The following SLC16A7 variants were observed in gnomAD, a reference collection of about 807,000 sequenced individuals.
SLC16A7 encodes monocarboxylate transporter 2.
Under a neutral mutation model 34.9 loss-of-function variants are expected in SLC16A7, and 33 were observed. The observed-to-expected ratio is 0.94, with a 90% CI of 0.72 to 1.26. The LOEUF is 1.26. Among genes scored for constraint, SLC16A7 ranks in the 50% most tolerant of loss-of-function variants. The pLI is 0.00. For synonymous variants in SLC16A7, 201 were observed against 206.6 expected (o/e 0.97, Z 0.23); for missense variants, 573 against 578.1 (o/e 0.99, Z 0.09).
intron 2 of SLC16A7, among the ~76,000 whole-genome samples, chr12:59,702,365 A>T (rs1872989432): frequency 6.6e-6 from 1 of 152,038 alleles, no homozygotes. Context: ...GAATAGATAG[A>T]TAGAAGACAG....
chr12:59,630,945 A>G (rs1880155514), intron 1 of SLC16A7, among the ~76,000 whole-genome samples: 1 of 151,970 alleles, frequency 6.6e-6, no homozygotes, highest in South Asian at 2.1e-4. Context: ...AATTTGCTGC[A>G]TATGTATTGT....
rs1403182156 is a variant in SLC16A7 at position 59,780,720 on chromosome 12, A to T, written c.*1041A>T. 1 of 152,080 alleles carries T rather than the reference A, an allele frequency of 6.6e-6. No homozygotes were observed. Among genetic ancestry groups the T allele is most frequent in the Non-Finnish European group, 1.5e-5 (1 of 67,998 alleles). The allele number at this position is 152,080 out of a possible 1,614,324, so 9.4% of individuals were successfully genotyped here. A position where few individuals can be genotyped will look rare whatever the true frequency, so the allele number is the denominator to read the frequency against. ...AGGATTGTAAGTAGACCGAATTCTA[A>T]TTTTTCCCAACACATAGTGGTAATT... is the stretch of plus-strand genomic sequence containing the variant. On this transcript the variant is annotated 3_prime_UTR_variant, in exon 6 of 6. Transcript: ENST00000547379.
At chr12:59,667,034 G>A (rs1327548426) in intron 2 of SLC16A7, among the ~76,000 whole-genome samples, 1 of 152,168 alleles carries the variant, frequency 6.6e-6, no homozygotes, top group Admixed American at 6.5e-5. Context: ...GAAGGTGAAA[G>A]GCACTTCTTA....
At chr12:59,676,625 T>G (rs955056691) in intron 2 of SLC16A7, among the ~76,000 whole-genome samples, 2 of 152,124 alleles carry the variant, frequency 1.3e-5, no homozygotes, top group African/African-American at 4.8e-5. Flanking sequence ...TTTTCTTTAC[T>G]CCTCAATTAC....
At chr12:59,751,114 G>C (rs148239820) in intron 3 of SLC16A7, among the ~76,000 whole-genome samples, 2 of 152,142 alleles carry the variant, frequency 1.3e-5, no homozygotes, top group Non-Finnish European at 2.9e-5. Flanking sequence ...TGGATCGCTG[G>C]AGCCAAGATT....
chr12:59,603,302 T>C (rs1201315545), intron 1 of SLC16A7, among the ~76,000 whole-genome samples: 3 of 152,140 alleles, frequency 2.0e-5, no homozygotes, highest in African/African-American at 7.2e-5. Context: ...TCCCATCACC[T>C]AGGTCCAAGG....
intron 1 of SLC16A7, among the ~76,000 whole-genome samples, chr12:59,619,412 T>G (rs1879601080): frequency 6.6e-6 from 1 of 152,078 alleles, no homozygotes; most frequent in Non-Finnish European, 1.5e-5. Context: ...AGTGACCTCA[T>G]CACCTTAGAA....
At chr12:59,628,298 C>T (rs1880016002) in intron 1 of SLC16A7, among the ~76,000 whole-genome samples, 1 of 151,854 alleles carries the variant, frequency 6.6e-6, no homozygotes, top group African/African-American at 2.4e-5. Flanking sequence ...CTTACACTAT[C>T]ATATATTTTT....
At chr12:59,633,127 C>T (rs1210736075) in intron 1 of SLC16A7, among the ~76,000 whole-genome samples, 2 of 151,952 alleles carry the variant, frequency 1.3e-5, no homozygotes, top group East Asian at 3.9e-4. Flanking sequence ...CTTCAAAAAT[C>T]TGCCATGTGC....
At chr12:59,729,519 G>A (rs759159339) in intron 3 of SLC16A7, among the ~76,000 whole-genome samples, 3 of 151,954 alleles carry the variant, frequency 2.0e-5, no homozygotes, top group African/African-American at 7.3e-5. Flanking sequence ...TAATTTTATA[G>A]CTTTTAATCC....
chr12:59,691,823 C>T (rs1382668736), intron 2 of SLC16A7, among the ~76,000 whole-genome samples: 1 of 151,904 alleles, frequency 6.6e-6, no homozygotes, highest in Non-Finnish European at 1.5e-5. Context: ...CAGTTTGCCA[C>T]AGTGATAAAT....
intron 3 of SLC16A7, among the ~76,000 whole-genome samples, chr12:59,715,040 T>A (rs1874736309): frequency 6.6e-6 from 1 of 152,206 alleles, no homozygotes; most frequent in African/African-American, 2.4e-5. Context: ...TCGTAACAGG[T>A]ACTAGGATCA....
At chr12:59,652,376 A>G (rs1226154208) in intron 1 of SLC16A7, among the ~76,000 whole-genome samples, 2 of 151,908 alleles carry the variant, frequency 1.3e-5, no homozygotes, top group Non-Finnish European at 2.9e-5. Flanking sequence ...TTGTTTCATG[A>G]GTTGGAAGAG....
At chr12:59,745,351 T>G (rs1878777911) in intron 3 of SLC16A7, among the ~76,000 whole-genome samples, 1 of 152,240 alleles carries the variant, frequency 6.6e-6, no homozygotes, top group African/African-American at 2.4e-5. Flanking sequence ...CATAGAGTCC[T>G]ATTGGGTTGG....
chr12:59,666,934 CT>C (rs1356031855), intron 2 of SLC16A7, among the ~76,000 whole-genome samples: 3 of 152,082 alleles, frequency 2.0e-5, no homozygotes, highest in African/African-American at 7.2e-5. Context: ...TTTCCCACTG[CT>C]GATAAAGACA....
At chr12:59,771,705 G>A (rs560348175) in intron 4 of SLC16A7, among the ~76,000 whole-genome samples, 5 of 152,112 alleles carry the variant, frequency 3.3e-5, no homozygotes, top group South Asian at 2.1e-4. Context: ...AAATACCTTC[G>A]TTATTATAAA....
At chr12:59,735,502 C>T (rs1048140922) in intron 3 of SLC16A7, among the ~76,000 whole-genome samples, 8 of 152,100 alleles carry the variant, frequency 5.3e-5, no homozygotes, top group South Asian at 4.2e-4. Flanking sequence ...CAGTTCATGG[C>T]GAATAAGAGT....
intron 2 of SLC16A7, among the ~76,000 whole-genome samples, chr12:59,673,364 G>A (rs1870043786): frequency 6.6e-6 from 1 of 152,006 alleles, no homozygotes; most frequent in Admixed American, 6.6e-5. Context: ...AAATATACTA[G>A]TCAGAATGTG....
intron 1 of SLC16A7, among the ~76,000 whole-genome samples, chr12:59,626,334 A>G (rs931767554): frequency 1.3e-5 from 2 of 151,714 alleles, no homozygotes; most frequent in African/African-American, 2.4e-5. Flanking sequence ...GAGTATATCT[A>G]GTTATGTTCT....
Sources: gnomAD v4.1 joint callset for allele counts (sites outside exome capture counted in the v4.1 genomes callset) on GRCh38, gnomAD v4.1.1 for gene constraint, MANE v1.5 for transcripts, NCBI Gene and HGNC (gene_info 2026-07-23, HGNC 2026-07-21) for gene names.